The following PRKD1 variants were observed in gnomAD, a reference collection of about 807,000 sequenced individuals.
PRKD1 encodes protein kinase D1.
PRKD1 carries 63 observed loss-of-function variants against 95.9 expected under a neutral mutation model. The observed-to-expected ratio is 0.66, with a 90% CI of 0.54 to 0.81. The LOEUF is 0.81. Ranked by LOEUF, PRKD1 falls within the 30% of genes least tolerant of loss-of-function variation. The pLI, the probability that PRKD1 is intolerant of heterozygous loss-of-function variation, is 0.00. For missense variants in PRKD1, 1,048 were observed against 1,165.3 expected, an observed-to-expected ratio of 0.90 and a Z score of 1.47; for synonymous variants, 425 against 423.1, an observed-to-expected ratio of 1.00 and a Z score of -0.05.
intron 1 of PRKD1, among the ~76,000 whole-genome samples, chr14:29,829,945 A>G (rs79371051): frequency 0.03 from 4,528 of 152,328 alleles, 111 homozygotes; most frequent in Non-Finnish European, 0.05. Flanking sequence ...TAATAAAAAA[A>G]TATTAATGAA....
chr14:29,584,282 T>C (rs1454178854), intron 16 of PRKD1, among the ~76,000 whole-genome samples: 3 of 152,052 alleles, frequency 2.0e-5, no homozygotes, highest in Middle Eastern at 3.2e-3. Flanking sequence ...ATACAAAAGG[T>C]GTTTTGTATG....
At chr14:29,665,950 A>G in intron 3 of PRKD1, 127 bp downstream of exon 3, 2 of 1,051,832 alleles carry the variant, frequency 1.9e-6, no homozygotes, top group Non-Finnish European at 2.7e-6. Context: ...TATGTACCAC[A>G]TTTTCTTTAT....
intron 1 of PRKD1, among the ~76,000 whole-genome samples, chr14:29,853,632 G>A (rs1892388220): frequency 6.6e-6 from 1 of 152,188 alleles, no homozygotes; most frequent in African/African-American, 2.4e-5. Flanking sequence ...TGAAGTTTCT[G>A]ACGCTAAGTT....
At chr14:29,676,309 G>A (rs189419390) in intron 2 of PRKD1, among the ~76,000 whole-genome samples, 1 of 151,238 alleles carries the variant, frequency 6.6e-6, no homozygotes, top group East Asian at 2.0e-4. Context: ...TAGGGTAGAC[G>A]GTCAGCTAGG....
intron 10 of PRKD1, 70 bp downstream of exon 10, chr14:29,630,672 G>GCAC (rs1297812515): frequency 1.3e-6 from 2 of 1,576,820 alleles, no homozygotes; most frequent in African/African-American, 2.7e-5. Flanking sequence ...GAAGGGCAGG[G>GCAC]CACATGTTTA....
chr14:29,865,312 A>T (rs1452853377), intron 1 of PRKD1, among the ~76,000 whole-genome samples: 2 of 152,208 alleles, frequency 1.3e-5, no homozygotes, highest in East Asian at 1.9e-4. Flanking sequence ...AGGTTTTTTT[A>T]AAATGGTGCA....
At chr14:29,589,572 T>C (rs958783933) in intron 16 of PRKD1, among the ~76,000 whole-genome samples, 22 of 152,088 alleles carry the variant, frequency 1.4e-4, no homozygotes, top group African/African-American at 2.4e-5. Context: ...GCAGCAATTA[T>C]AGAAAAAGAA....
chr14:29,799,788 C>T (rs533836452), intron 1 of PRKD1, among the ~76,000 whole-genome samples: 7 of 152,210 alleles, frequency 4.6e-5, no homozygotes, highest in Non-Finnish European at 5.9e-5. Flanking sequence ...GGGTCACTTG[C>T]AGACATGCAC....
chr14:29,673,914 C>T (rs1450327326), intron 2 of PRKD1, among the ~76,000 whole-genome samples: 2 of 152,108 alleles, frequency 1.3e-5, no homozygotes, highest in Non-Finnish European at 2.9e-5. Flanking sequence ...TGATCCTGGT[C>T]ACAGCAAATG....
chr14:29,845,890 T>C (rs1171430293), intron 1 of PRKD1, among the ~76,000 whole-genome samples: 1 of 152,162 alleles, frequency 6.6e-6, no homozygotes, highest in Non-Finnish European at 1.5e-5. Flanking sequence ...GCCCAGTATG[T>C]TGCTTAAAAT....
intron 2 of PRKD1, among the ~76,000 whole-genome samples, chr14:29,701,195 T>G (rs925457158): frequency 2.0e-5 from 3 of 152,178 alleles, no homozygotes; most frequent in African/African-American, 7.2e-5. Context: ...CTGAGGCTCT[T>G]GAAGTATGAT....
At chr14:29,886,985 GA>G (rs1476406656) in intron 1 of PRKD1, among the ~76,000 whole-genome samples, 1 of 152,182 alleles carries the variant, frequency 6.6e-6, no homozygotes, top group Non-Finnish European at 1.5e-5. Context: ...TAGTCCTCTG[GA>G]AAGGAACTTG....
intron 1 of PRKD1, among the ~76,000 whole-genome samples, chr14:29,830,562 G>A (rs1171066264): frequency 3.8e-4 from 57 of 151,478 alleles, no homozygotes. Context: ...CTTAAGAAAG[G>A]GTATGGTTCA....
chr14:29,647,092 A>G (rs1881173889), intron 4 of PRKD1, among the ~76,000 whole-genome samples: 2 of 152,230 alleles, frequency 1.3e-5, no homozygotes, highest in Admixed American at 6.5e-5. Context: ...CAAAAAAAAA[A>G]TATGTGCCCA....
intron 13 of PRKD1, among the ~76,000 whole-genome samples, chr14:29,623,479 C>T (rs1009886916): frequency 6.6e-5 from 10 of 152,054 alleles, no homozygotes; most frequent in East Asian, 1.9e-4. Context: ...ATATAAAAAT[C>T]GGAATTTATC....
chr14:29,793,221 G>A (rs934544493), intron 1 of PRKD1, among the ~76,000 whole-genome samples: 2 of 151,434 alleles, frequency 1.3e-5, no homozygotes, highest in African/African-American at 2.4e-5. Flanking sequence ...GAATGCAATC[G>A]CACTTAAAAA....
At chr14:29,793,792 AT>A (rs200774907) in intron 1 of PRKD1, among the ~76,000 whole-genome samples, 6 of 151,586 alleles carry the variant, frequency 4.0e-5, no homozygotes, top group South Asian at 2.1e-4. Flanking sequence ...TGTTAATTAG[AT>A]TTTTTTTTCT....
chr14:29,677,408 A>T (rs1430430475), intron 2 of PRKD1, among the ~76,000 whole-genome samples: 1 of 152,206 alleles, frequency 6.6e-6, no homozygotes, highest in African/African-American at 2.4e-5. Flanking sequence ...ATCAGAATCC[A>T]GGCCTACACA....
At chr14:29,625,890 A>G (rs975730119) in intron 12 of PRKD1, among the ~76,000 whole-genome samples, 1 of 152,164 alleles carries the variant, frequency 6.6e-6, no homozygotes, top group Non-Finnish European at 1.5e-5. Context: ...CAGGTAAAGC[A>G]TTAATATTAA....
Sources: allele counts gnomAD v4.1 joint callset (sites outside exome capture counted in the v4.1 genomes callset), GRCh38; gene constraint gnomAD v4.1.1; transcripts MANE v1.5; gene names NCBI Gene and HGNC (gene_info 2026-07-23, HGNC 2026-07-21).